TIAM1: variants seen among roughly 807,000 people sequenced by gnomAD.
The protein encoded by TIAM1 is rho guanine nucleotide exchange factor TIAM1.
In TIAM1, 65 loss-of-function variants were observed where a neutral mutation model predicts 163.5. The observed-to-expected ratio is 0.40, with a 90% CI of 0.33 to 0.49. The LOEUF is 0.49. TIAM1 is among the 20% of genes least tolerant of loss of function. The pLI is 0.77. For synonymous variants in TIAM1, 833 were observed against 810.1 expected (o/e 1.03, Z -0.48); for missense variants, 1,789 against 2,044.7 (o/e 0.87, Z 2.41).
At chr21:31,358,388 C>G (rs533522672) in intron 2 of TIAM1, among the ~76,000 whole-genome samples, 4 of 152,096 alleles carry the variant, frequency 2.6e-5, no homozygotes, top group Non-Finnish European at 5.9e-5. Flanking sequence ...TTGGAGATCC[C>G]CTCCGGTCTC....
At chr21:31,131,771 T>C (rs555069670) in intron 23 of TIAM1, among the ~76,000 whole-genome samples, 40 of 152,318 alleles carry the variant, frequency 2.6e-4, no homozygotes, top group African/African-American at 8.9e-4. Context: ...TAATCACCCT[T>C]GTGATGGTTT....
chr21:31,390,617 C>T (rs868344010), intron 2 of TIAM1, among the ~76,000 whole-genome samples: 3 of 152,180 alleles, frequency 2.0e-5, no homozygotes, highest in African/African-American at 7.2e-5. Flanking sequence ...GAACCATGAT[C>T]CGTGCAACCA....
At chr21:31,471,248 C>T (rs545712279) in intron 1 of TIAM1, among the ~76,000 whole-genome samples, 1 of 152,308 alleles carries the variant, frequency 6.6e-6, no homozygotes, top group East Asian at 1.9e-4. Flanking sequence ...CGGTGGGCAT[C>T]GGTCAGCCCT....
chr21:31,431,312 G>A (rs1176950479), intron 2 of TIAM1, among the ~76,000 whole-genome samples: 1 of 152,084 alleles, frequency 6.6e-6, no homozygotes, highest in African/African-American at 2.4e-5. Flanking sequence ...CCAGCTGTAG[G>A]GCTTGTTAAA....
At chr21:31,461,426 G>A (rs1431387448) in intron 2 of TIAM1, among the ~76,000 whole-genome samples, 1 of 152,150 alleles carries the variant, frequency 6.6e-6, no homozygotes, top group Non-Finnish European at 1.5e-5. Context: ...GGAGGTTGGA[G>A]TAAACTGAGA....
Position 31,195,267 on chromosome 21 carries a change from C to G in TIAM1, c.2532G>C (p.Gln844His), listed in dbSNP as rs16987932. 18,927 of 1,613,442 alleles carry G rather than the reference C, an allele frequency of 0.012. 960 individuals carry two copies. The African/African-American group carries it at 0.15, about 13-fold the overall frequency. Residue 844 changes from glutamine to histidine, a missense_variant, in exon 13 of 28, where the codon CAG (glutamine) becomes CAC (histidine). Transcript: ENST00000541036. ...TATCTGACTTCTCAATGTGGATGCT[C>G]TGAGTGACTTTTGGACAGATTTCAA... Reference protein sequence around the residue: ...KEIEICPKVTQSIHIEKSDTA... With the variant: ...KEIEICPKVTHSIHIEKSDTA...
chr21:31,441,990 GA>G lies in TIAM1; in HGVS notation c.-369+21992del, dbSNP rs563752948. On this transcript the variant is annotated intron_variant, in intron 2 of 28. Transcript: ENST00000286827. ...AGGATCATTTGAGCTCAAGAGGTGG[GA>G]ATTATAGTGAGCTGAGACAGTGCCA... 2.0e-3 allele frequency among the ~76,000 whole-genome samples: 281 copies of G among 143,720 alleles called. 1 individual carries two copies. The highest frequency in any genetic ancestry group is 6.5e-3 in the African/African-American group (254 of 38,980). 94.3% of individuals were successfully genotyped at this position (143,720 alleles called of 152,430 possible). A position where few individuals can be genotyped will look rare whatever the true frequency, so the allele number is the denominator to read the frequency against.
At chr21:31,399,049 A>T (rs2077121316) in intron 2 of TIAM1, among the ~76,000 whole-genome samples, 1 of 152,132 alleles carries the variant, frequency 6.6e-6, no homozygotes, top group Non-Finnish European at 1.5e-5. Flanking sequence ...AAAATAAAAT[A>T]AAAATAGCCT....
intron 1 of TIAM1, among the ~76,000 whole-genome samples, chr21:31,465,875 T>A (rs2045513456): frequency 6.6e-6 from 1 of 152,082 alleles, no homozygotes; most frequent in South Asian, 2.1e-4. Context: ...CTGGCTAATT[T>A]TTTTGTATTT....
At chr21:31,189,678 C>T (rs1189141405) in intron 13 of TIAM1, among the ~76,000 whole-genome samples, 1 of 152,094 alleles carries the variant, frequency 6.6e-6, no homozygotes, top group Non-Finnish European at 1.5e-5. Context: ...GAGCCCCTTT[C>T]ACTGTTCCAG....
chr21:31,487,627 G>A (rs373416880), intron 1 of TIAM1, among the ~76,000 whole-genome samples: 15 of 147,918 alleles, frequency 1.0e-4, no homozygotes, highest in African/African-American at 3.3e-4. Context: ...GCGCAATCTC[G>A]GCTCACTGCA....
chr21:31,457,398 G>T (rs1035572726), intron 2 of TIAM1, among the ~76,000 whole-genome samples: 1 of 152,136 alleles, frequency 6.6e-6, no homozygotes. Context: ...GACATTAACA[G>T]GACATTTAAT....
intron 2 of TIAM1, among the ~76,000 whole-genome samples, chr21:31,396,086 T>G (rs725803): frequency 0.12 from 17,537 of 152,210 alleles, 2,142 homozygotes; most frequent in African/African-American, 0.31. Flanking sequence ...AATTATTATA[T>G]GATGGGAATT....
intron 2 of TIAM1, among the ~76,000 whole-genome samples, chr21:31,321,916 G>A (rs754284557): frequency 5.9e-5 from 9 of 151,848 alleles, no homozygotes; most frequent in South Asian, 2.1e-4. Context: ...AGCCAGGTAC[G>A]GTGGTGGGCA....
rs752511025 is a variant in TIAM1, at chr21:31,379,194, AC to A, written c.-368-39773del. 9.9e-5 allele frequency among the ~76,000 whole-genome samples: 15 copies of A among 152,012 alleles called. No homozygotes were observed. In the East Asian group the frequency reaches 2.5e-3, roughly 26 times the overall value. On this transcript the variant is annotated intron_variant, in intron 2 of 28. Coordinates refer to the TIAM1 transcript ENST00000286827. ...GCCATGTTGGCTAGGCTGGTCTTGA[AC>A]TCCTGACCTCAGGTGATCTGCCCAC...
At chr21:31,394,678 A>G (rs150433929) in intron 2 of TIAM1, among the ~76,000 whole-genome samples, 4 of 147,450 alleles carry the variant, frequency 2.7e-5, no homozygotes, top group South Asian at 2.2e-4. Context: ...AAAAATGAAA[A>G]TCTACTCATT....
chr21:31,184,647 C>T (rs1422393498), intron 14 of TIAM1, among the ~76,000 whole-genome samples: 2 of 152,096 alleles, frequency 1.3e-5, no homozygotes, highest in African/African-American at 2.4e-5. Context: ...CCCCGTGCCA[C>T]GCAAACCGGC....
chr21:31,146,646 G>C (rs1188077181), intron 20 of TIAM1, among the ~76,000 whole-genome samples: 1 of 151,546 alleles, frequency 6.6e-6, no homozygotes, highest in Non-Finnish European at 1.5e-5. Flanking sequence ...GGGAGGCAGA[G>C]GTCGCAGTGA....
In TIAM1 at chr21:31,365,059, C is replaced by T. The variant is rs112948972; in HGVS notation, c.-368-25637G>A. Among the ~76,000 whole-genome samples, 985 of 152,232 alleles carry T rather than the reference C, an allele frequency of 6.5e-3. 9 individuals carry two copies. Among genetic ancestry groups the T allele is most frequent in the Middle Eastern group, 0.014 (4 of 294 alleles). ...ATGACACCAATTATTCTTCTTTTCC[C>T]CCCAGCCGCTTAAAAATGTAAAAGA... On this transcript the variant is annotated intron_variant, in intron 2 of 28. Transcript: ENST00000286827.
Sources: gnomAD v4.1 joint callset for allele counts (sites outside exome capture counted in the v4.1 genomes callset) on GRCh38, gnomAD v4.1.1 for gene constraint, MANE v1.5 for transcripts, NCBI Gene and HGNC (gene_info 2026-07-23, HGNC 2026-07-21) for gene names.